Variants in ATF7IP2 observed in about 807,000 individuals in gnomAD.
The protein encoded by ATF7IP2 is activating transcription factor 7-interacting protein 2.
ATF7IP2 carries 42 observed loss-of-function variants against 64.2 expected under a neutral mutation model. The ratio of observed to expected loss-of-function variants is 0.65; its 90% CI spans 0.51 to 0.85. The LOEUF is 0.85. Ranked by LOEUF, ATF7IP2 falls within the 40% of genes least tolerant of loss-of-function variation. The pLI, the probability that ATF7IP2 is intolerant of heterozygous loss-of-function variation, is 0.00. For synonymous variants in ATF7IP2, 308 were observed against 272.8 expected (o/e 1.13, Z -1.27); for missense variants, 933 against 784.2 (o/e 1.19, Z -2.27).
chr16:10,391,792 G>C (rs1224231057), intron 1 of ATF7IP2, among the ~76,000 whole-genome samples: 1 of 151,824 alleles, frequency 6.6e-6, no homozygotes, highest in East Asian at 2.0e-4. Flanking sequence ...AGCTGCTGGA[G>C]GGCTGAAGCA....
chr16:10,431,812 C>A lies in ATF7IP2; in HGVS notation c.835+357C>A, dbSNP rs1314739957. On this transcript the variant is annotated intron_variant, in intron 5 of 13. Coordinates refer to ENST00000562102, the MANE Select transcript of ATF7IP2 (RefSeq NM_001393719.1). ...AGTGAGTTTTAAAAATTGTTGGTAACCCTATTTCTTTTTTTTTTTTTTTTT... is the reference window on the plus strand; with the variant it reads ...AGTGAGTTTTAAAAATTGTTGGTAAACCTATTTCTTTTTTTTTTTTTTTTT... Among the ~76,000 whole-genome samples, 6 of 149,392 alleles carry A rather than the reference C, an allele frequency of 4.0e-5. No individual in the cohort carries two copies. In the East Asian group the frequency reaches 9.8e-4, roughly 24 times the overall value.
intron 12 of ATF7IP2, among the ~76,000 whole-genome samples, chr16:10,474,974 C>T (rs1287360910): frequency 6.6e-6 from 1 of 152,104 alleles, no homozygotes; most frequent in Admixed American, 6.6e-5. Flanking sequence ...TTGAGGCCAG[C>T]AGTTTGAGAC....
chr16:10,478,301 CAG>C (rs1196952289), intron 12 of ATF7IP2, among the ~76,000 whole-genome samples: 122 of 151,438 alleles, frequency 8.1e-4, no homozygotes, highest in Middle Eastern at 3.4e-3. Flanking sequence ...GGTACCAAAA[CAG>C]AGATATAGAT....
intron 1 of ATF7IP2, among the ~76,000 whole-genome samples, chr16:10,409,857 T>C (rs1446673656): frequency 6.6e-6 from 1 of 152,230 alleles, no homozygotes; most frequent in African/African-American, 2.4e-5. Context: ...CTTTATGTTT[T>C]TGTTTGCTTT....
chr16:10,413,274 G>A (rs972854366), intron 1 of ATF7IP2, among the ~76,000 whole-genome samples: 1 of 152,090 alleles, frequency 6.6e-6, no homozygotes, highest in Non-Finnish European at 1.5e-5. Flanking sequence ...TGAAACATGG[G>A]GACCAGTCTT....
At chr16:10,463,401 A>T (rs1357019404) in intron 9 of ATF7IP2, among the ~76,000 whole-genome samples, 1 of 152,238 alleles carries the variant, frequency 6.6e-6, no homozygotes, top group African/African-American at 2.4e-5. Context: ...AATGAATAGA[A>T]TATGGCACAA....
intron 3 of ATF7IP2, among the ~76,000 whole-genome samples, chr16:10,427,740 T>C (rs1487788717): frequency 6.6e-6 from 1 of 151,734 alleles, no homozygotes; most frequent in African/African-American, 2.4e-5. Flanking sequence ...ATGCCTGTAA[T>C]CCCAGCCTCT....
At chr16:10,393,621 T>A (rs1166740300) in intron 1 of ATF7IP2, among the ~76,000 whole-genome samples, 2 of 152,216 alleles carry the variant, frequency 1.3e-5, no homozygotes, top group African/African-American at 2.4e-5. Flanking sequence ...AAGGTAGGCT[T>A]AGGTTTTGCT....
intron 9 of ATF7IP2, among the ~76,000 whole-genome samples, chr16:10,463,338 T>A (rs2049437755): frequency 6.6e-6 from 1 of 152,206 alleles, no homozygotes; most frequent in Non-Finnish European, 1.5e-5. Flanking sequence ...TACCCCTCCT[T>A]TAAAATGTGA....
At chr16:10,393,693 A>G (rs577277983) in intron 1 of ATF7IP2, among the ~76,000 whole-genome samples, 130 of 152,158 alleles carry the variant, frequency 8.5e-4, no homozygotes, top group African/African-American at 3.0e-3. Context: ...GATATTTTCA[A>G]TTTCTGATAG....
intron 8 of ATF7IP2, among the ~76,000 whole-genome samples, chr16:10,450,397 C>G (rs1452113553): frequency 2.0e-5 from 3 of 152,140 alleles, no homozygotes; most frequent in Non-Finnish European, 4.4e-5. Context: ...GTTGATCTGT[C>G]TGATATTGAC....
At chr16:10,445,353 G>C (rs1596535007) in intron 8 of ATF7IP2, 1 of 152,166 alleles carries the variant, frequency 6.6e-6, no homozygotes, top group South Asian at 2.1e-4. Flanking sequence ...AGGAAGGCAA[G>C]GAGTTAAGTG....
Position 10,457,363 on chromosome 16 carries a change from AT to A in ATF7IP2, c.1195-6del. 1.9e-6 allele frequency: 3 copies of A among 1,596,442 alleles called. No individual in the cohort carries two copies. Among genetic ancestry groups the A allele is most frequent in the Non-Finnish European group, 2.6e-6 (3 of 1,174,862 alleles). ...CCCTTCAACTGCTTTTTTCTCACCT[AT>A]TTAATAGGTTGCAAATTCAGAGGCT... On this transcript the variant is annotated splice_region_variant and splice_polypyrimidine_tract_variant and intron_variant, in intron 8 of 13. Transcript: ENST00000562102.
intron 1 of ATF7IP2, among the ~76,000 whole-genome samples, chr16:10,389,255 A>C (rs1370795856): frequency 1.3e-5 from 2 of 152,180 alleles, no homozygotes; most frequent in African/African-American, 2.4e-5. Flanking sequence ...ATGGTAGTCT[A>C]TCTGGCTATA....
intron 1 of ATF7IP2, among the ~76,000 whole-genome samples, chr16:10,408,063 C>T: frequency 6.6e-6 from 1 of 152,058 alleles, no homozygotes; most frequent in East Asian, 1.9e-4. Context: ...AGGCATGTGC[C>T]ACCATACCTA....
intron 1 of ATF7IP2, among the ~76,000 whole-genome samples, chr16:10,408,217 C>G (rs2047682288): frequency 6.6e-6 from 1 of 152,132 alleles, no homozygotes; most frequent in Non-Finnish European, 1.5e-5. Flanking sequence ...GCTTATATCA[C>G]AATTTCTTTA....
chr16:10,439,179 T>C (rs996207760), intron 7 of ATF7IP2, among the ~76,000 whole-genome samples: 52 of 152,312 alleles, frequency 3.4e-4, no homozygotes, highest in African/African-American at 1.2e-3. Flanking sequence ...CTGATTGATG[T>C]TTTTAACCAC....
At position 10,479,958 on chromosome 16, in the gene ATF7IP2, C is replaced by CTTTT. The variant is rs201158427; in HGVS notation, c.1550-881_1550-878dup. On this transcript the variant is annotated intron_variant, in intron 12 of 13. Coordinates refer to ENST00000562102, the MANE Select transcript of ATF7IP2 (RefSeq NM_001393719.1). ...TCTCAGTGATTTAGAACTGGAAATA[C>CTTTT]TTTTTTTTTTTTTTTTTTTTTTTTT... Among the ~76,000 whole-genome samples the CTTTT allele has an allele frequency of 5.3e-4, 43 of 80,582 alleles. 1 individual carries two copies. Among genetic ancestry groups the CTTTT allele is most frequent in the Admixed American group, 8.3e-4 (5 of 6,050 alleles). 52.9% of individuals were successfully genotyped at this position (80,582 alleles called of 152,430 possible). A position where few individuals can be genotyped will look rare whatever the true frequency, so the allele number is the denominator to read the frequency against.
chr16:10,431,279 G>C lies in ATF7IP2; in HGVS notation c.659G>C (p.Cys220Ser). 6.2e-7 allele frequency: 1 copy of C among 1,614,182 alleles called. No homozygotes were observed. Among genetic ancestry groups the C allele is most frequent in the Non-Finnish European group, 8.5e-7 (1 of 1,180,034 alleles). ...HDKRQSDNIL[C>S]SEDSGFVPVE... ...AAAAGGCAAAGTGACAACATTTTAT[G>C]TTCAGAAGACTCAGGTTTTGTGCCT... The change falls in exon 5 of 14, where the codon TGT (cysteine) becomes TCT (serine). Residue 220 changes from cysteine (C) to serine (S), a missense_variant. By Grantham distance (112) the Cys-to-Ser change is moderately radical. Coordinates refer to ENST00000562102, the MANE Select transcript of ATF7IP2 (RefSeq NM_001393719.1).
Sources: allele counts gnomAD v4.1 joint callset (sites outside exome capture counted in the v4.1 genomes callset), GRCh38; gene constraint gnomAD v4.1.1; transcripts MANE v1.5; gene names NCBI Gene and HGNC (gene_info 2026-07-23, HGNC 2026-07-21).